Variants in LIMCH1 observed in about 807,000 individuals in gnomAD.
LIMCH1 encodes the protein LIM and calponin homology domains-containing protein 1.
Under a neutral mutation model 176.5 loss-of-function variants are expected in LIMCH1, and 113 were observed. The ratio of observed to expected loss-of-function variants is 0.64; its 90% confidence interval spans 0.55 to 0.75. LIMCH1 has a LOEUF of 0.75. LIMCH1 is among the 30% of genes least tolerant of loss of function. The pLI is 0.00. For missense variants in LIMCH1, 1,674 were observed against 1,814.9 expected (o/e 0.92, Z 1.41); for synonymous variants, 619 against 645.9 (o/e 0.96, Z 0.63).
chr4:41,532,871 C>G (rs2077476606), intron 3 of LIMCH1, among the ~76,000 whole-genome samples: 1 of 152,282 alleles, frequency 6.6e-6, no homozygotes, highest in East Asian at 1.9e-4. Context: ...AAAACAACAA[C>G]ATTTATCATC....
At chr4:41,434,705 C>T (rs1020679179) in intron 1 of LIMCH1, among the ~76,000 whole-genome samples, 2 of 152,088 alleles carry the variant, frequency 1.3e-5, no homozygotes, top group African/African-American at 4.8e-5. Context: ...TTAGTAGAGC[C>T]AGGGTTTTGC....
At chr4:41,380,788 T>A (rs1173391336) in intron 1 of LIMCH1, among the ~76,000 whole-genome samples, 1 of 152,218 alleles carries the variant, frequency 6.6e-6, no homozygotes, top group Non-Finnish European at 1.5e-5. Context: ...TGTGAAGAGA[T>A]GTGCATCCAG....
At chr4:41,401,425 G>T (rs906156021) in intron 1 of LIMCH1, among the ~76,000 whole-genome samples, 1 of 152,146 alleles carries the variant, frequency 6.6e-6, no homozygotes, top group African/African-American at 2.4e-5. Flanking sequence ...TGCTGTTTTG[G>T]TTACTGTAGC....
intron 2 of LIMCH1, among the ~76,000 whole-genome samples, chr4:41,602,466 A>C (rs2090091847): frequency 6.6e-6 from 1 of 152,182 alleles, no homozygotes; most frequent in African/African-American, 2.4e-5. Context: ...TCATCACTGC[A>C]GAAAAAGCTT....
intron 1 of LIMCH1, among the ~76,000 whole-genome samples, chr4:41,361,985 C>T (rs1435288723): frequency 6.6e-6 from 1 of 152,126 alleles, no homozygotes; most frequent in Non-Finnish European, 1.5e-5. Flanking sequence ...CATGACCCAG[C>T]AATGTTGAAG....
chr4:41,673,342 G>T (rs192371035), intron 22 of LIMCH1, among the ~76,000 whole-genome samples: 141 of 152,284 alleles, frequency 9.3e-4, no homozygotes, highest in Non-Finnish European at 1.8e-3. Flanking sequence ...GATGTCAGTT[G>T]TTCATGCCCC....
intron 1 of LIMCH1, among the ~76,000 whole-genome samples, chr4:41,548,802 A>G (rs1469677176): frequency 6.6e-6 from 1 of 151,962 alleles, no homozygotes; most frequent in Non-Finnish European, 1.5e-5. Flanking sequence ...TTATAATTCC[A>G]TCACCCCTAG....
chr4:41,445,375 G>A (rs2063181210), intron 1 of LIMCH1, among the ~76,000 whole-genome samples: 1 of 152,100 alleles, frequency 6.6e-6, no homozygotes, highest in Non-Finnish European at 1.5e-5. Context: ...TTGATTGATT[G>A]TCCATGAAAG....
In LIMCH1 at chr4:41,700,038, A is replaced by G. The variant is rs1348159225; in HGVS notation, c.*2853A>G. The G allele has an allele frequency of 2.0e-5, 3 of 152,214 alleles. No individual in the cohort carries two copies. Among genetic ancestry groups the G allele is most frequent in the Non-Finnish European group, 4.4e-5 (3 of 68,032 alleles). 9.4% of individuals were successfully genotyped at this position (152,214 alleles called of 1,614,324 possible). On this transcript the variant is annotated 3_prime_UTR_variant, in exon 32 of 32. Transcript: ENST00000503057. The stretch of plus-strand genomic sequence containing the variant: ...ATGTACATTTATAAATAAAATACTC[A>G]AATCAACTTTGTATTCCATTAATTA...
intron 1 of LIMCH1, among the ~76,000 whole-genome samples, chr4:41,390,646 T>C (rs75157587): frequency 6.8e-4 from 103 of 152,354 alleles, no homozygotes; most frequent in East Asian, 3.3e-3. Flanking sequence ...CTCTATTTCA[T>C]TGGACATTCC....
intron 1 of LIMCH1, among the ~76,000 whole-genome samples, chr4:41,588,352 A>G (rs2086859586): frequency 6.6e-6 from 1 of 152,138 alleles, no homozygotes; most frequent in African/African-American, 2.4e-5. Context: ...AGAGAGGTGG[A>G]AGGAAGTAGA....
intron 21 of LIMCH1, chr4:41,671,129 T>C: frequency 2.2e-6 from 1 of 445,236 alleles, no homozygotes; most frequent in Non-Finnish European, 3.0e-6. Flanking sequence ...TGTGTCACTG[T>C]GTTTGCTTCC....
At chr4:41,472,996 C>G in intron 1 of LIMCH1, 1 of 976,606 alleles carries the variant, frequency 1.0e-6, no homozygotes, top group Non-Finnish European at 1.2e-6. Context: ...TTTTTTTTCT[C>G]CTCGGTAGGC....
At chr4:41,681,197 T>C (rs1585842757) in intron 25 of LIMCH1, 138 bp downstream of exon 25, 1 of 522,006 alleles carries the variant, frequency 1.9e-6, no homozygotes, top group East Asian at 3.1e-5. Context: ...CGTCAGCTAC[T>C]GTGTGGCCAT....
chr4:41,671,372 A>G (rs2095019792), intron 21 of LIMCH1, among the ~76,000 whole-genome samples, 182 bp from the exon 22 acceptor site: 1 of 144,790 alleles, frequency 6.9e-6, no homozygotes, highest in African/African-American at 2.6e-5. Flanking sequence ...CTTTATTATG[A>G]TTTTCTAATG....
chr4:41,525,640 GAATCATGT>G, intron 3 of LIMCH1, among the ~76,000 whole-genome samples: 1 of 152,002 alleles, frequency 6.6e-6, no homozygotes, highest in Non-Finnish European at 1.5e-5. Context: ...TTGTTCTTCA[GAATCATGT>G]AACCAAATAA....
chr4:41,697,875 AC>A lies in LIMCH1; in HGVS notation c.*692del, dbSNP rs1731620450. 2.0e-5 allele frequency: 3 copies of A among 152,304 alleles called. No homozygotes were observed. The South Asian group carries it at 6.2e-4, about 32-fold the overall frequency. The allele number at this position is 152,304 out of a possible 1,614,324, so 9.4% of individuals were successfully genotyped here. A position where few individuals can be genotyped will look rare whatever the true frequency, so the allele number is the denominator to read the frequency against. On this transcript the variant is annotated 3_prime_UTR_variant, in exon 32 of 32. Transcript: ENST00000503057. ...AGGCTGGTTCATCAAATAAAGCAAAACCTTGCAATATCAGCTAGATTTACAC... is the reference window on the plus strand; with the variant it reads ...AGGCTGGTTCATCAAATAAAGCAAAACTTGCAATATCAGCTAGATTTACAC...
At chr4:41,422,029 G>C (rs2060645077) in intron 1 of LIMCH1, among the ~76,000 whole-genome samples, 1 of 152,118 alleles carries the variant, frequency 6.6e-6, no homozygotes, top group South Asian at 2.1e-4. Flanking sequence ...GTTGCAGTGA[G>C]CTGGGATCAC....
chr4:41,538,790 C>T (rs1202540755), intron 1 of LIMCH1, among the ~76,000 whole-genome samples: 2 of 152,140 alleles, frequency 1.3e-5, no homozygotes, highest in African/African-American at 4.8e-5. Context: ...TCACATTCTG[C>T]TCCTGACTCC....
Sources: allele counts gnomAD v4.1 joint callset (sites outside exome capture counted in the v4.1 genomes callset), GRCh38; gene constraint gnomAD v4.1.1; transcripts MANE v1.5; gene names NCBI Gene and HGNC (gene_info 2026-07-23, HGNC 2026-07-21).